SLC38A11: variants seen among roughly 807,000 people sequenced by gnomAD.
The protein encoded by SLC38A11 is putative sodium-coupled neutral amino acid transporter 11.
Under a neutral mutation model 49.4 loss-of-function variants are expected in SLC38A11, and 51 were observed. The observed-to-expected ratio is 1.03, with a 90% CI of 0.83 to 1.30. The LOEUF (loss-of-function observed/expected upper bound fraction) is 1.30. SLC38A11 is among the 50% of genes most tolerant of loss of function. The pLI, the probability that SLC38A11 is intolerant of heterozygous loss-of-function variation, is 0.00. For missense variants in SLC38A11, 574 were observed against 556.2 expected, an observed-to-expected ratio of 1.03 and a Z score of -0.32; for synonymous variants, 203 against 192.9, an observed-to-expected ratio of 1.05 and a Z score of -0.43.
Position 164,947,117 on chromosome 2 carries a change from C to CTTTTTTTTTTTTTTTTTTTTTTTTT in SLC38A11, c.230-1415_230-1391dup, listed in dbSNP as rs200284770. Reference sequence around the variant, plus strand: ...CCTGGATTCTTGGACTTTTTTATCTCTTTTTTTTTTTTTTTTTTTTTTTTT... The same window carrying CTTTTTTTTTTTTTTTTTTTTTTTTT: ...CCTGGATTCTTGGACTTTTTTATCTCTTTTTTTTTTTTTTTTTTTTTTTTTTTTTTTTTTTTTTTTTTTTTTTTTT... On this transcript the variant is annotated intron_variant, in intron 3 of 11. Coordinates refer to ENST00000685975, the MANE Select transcript of SLC38A11 (RefSeq NM_001351537.2). Among the ~76,000 whole-genome samples, 6 of 72,896 alleles carry CTTTTTTTTTTTTTTTTTTTTTTTTT rather than the reference C, an allele frequency of 8.2e-5. 1 individual carries two copies. The highest frequency in any genetic ancestry group is 4.6e-4 in the African/African-American group (6 of 12,970). 47.8% of individuals were successfully genotyped at this position (72,896 alleles called of 152,430 possible). A position where few individuals can be genotyped will look rare whatever the true frequency, so the allele number is the denominator to read the frequency against.
chr2:164,902,080 C>T (rs1318469403), intron 11 of SLC38A11, among the ~76,000 whole-genome samples: 4 of 143,758 alleles, frequency 2.8e-5, no homozygotes, highest in Non-Finnish European at 4.5e-5. Context: ...GTTTCCTAGG[C>T]TAGAGTGCAC....
intron 2 of SLC38A11, 196 bp from the exon 3 acceptor site, chr2:164,952,977 G>A (rs1574026517): frequency 2.0e-6 from 1 of 508,296 alleles, no homozygotes; most frequent in Non-Finnish European, 3.5e-6. Flanking sequence ...AATGTTATTA[G>A]CTTAGGGACA....
chr2:164,949,670 C>A (rs1402025572), intron 3 of SLC38A11, among the ~76,000 whole-genome samples: 1 of 152,118 alleles, frequency 6.6e-6, no homozygotes, highest in Non-Finnish European at 1.5e-5. Flanking sequence ...TTGAATAATG[C>A]CTTGAAGGAA....
chr2:164,921,033 G>T (rs1686164325), intron 7 of SLC38A11, among the ~76,000 whole-genome samples: 1 of 151,646 alleles, frequency 6.6e-6, no homozygotes, highest in South Asian at 2.1e-4. Context: ...AAAAGGAAAA[G>T]TGTACAAGAA....
At chr2:164,904,679 T>G (rs1325989750) in intron 11 of SLC38A11, among the ~76,000 whole-genome samples, 1 of 152,218 alleles carries the variant, frequency 6.6e-6, no homozygotes, top group Non-Finnish European at 1.5e-5. Context: ...AGTTATTAAC[T>G]AAAAATTATT....
chr2:164,914,640 G>C (rs1685641547), intron 9 of SLC38A11, among the ~76,000 whole-genome samples: 2 of 150,340 alleles, frequency 1.3e-5, no homozygotes, highest in Admixed American at 1.3e-4. Context: ...GATTAGAGAG[G>C]GTAAAGAAAA....
In SLC38A11 at chr2:164,898,472, G is replaced by C. The variant is rs750932990; in HGVS notation, c.1354C>G (p.Gln452Glu). Residue 452 changes from glutamine (Q) to glutamate (E), a missense_variant, in exon 12 of 12, where the codon CAA (glutamine) becomes GAA (glutamate). Transcript: ENST00000685975. ...ATACTAATATTTAAAGTAGAAAGTTGTGTTGTCTGCTGAACATGAGACTCT... is the reference window on the plus strand; with the variant it reads ...ATACTAATATTTAAAGTAGAAAGTTCTGTTGTCTGCTGAACATGAGACTCT... ...TSESHVQQTT[Q>E]LSTLNISIFQ 1 of 1,612,856 alleles carries C rather than the reference G, an allele frequency of 6.2e-7. No individual in the cohort carries two copies. The highest frequency in any genetic ancestry group is 1.1e-5 in the South Asian group (1 of 91,042).
chr2:164,898,661 G>T lies in SLC38A11; in HGVS notation c.1165C>A (p.Pro389Thr), dbSNP rs763334785. The T allele has an allele frequency of 6.2e-7, 1 of 1,613,476 alleles. No individual in the cohort carries two copies. The highest frequency in any genetic ancestry group is 1.7e-5 in the Admixed American group (1 of 59,908). Residue 389 changes from proline (P) to threonine (T), a missense_variant, in exon 12 of 12, where the codon CCA becomes ACA. Transcript: ENST00000685975. The part of the protein sequence containing the change: ...SACYLKLSEE[P>T]RTHSDKIMSC... ...ATAATCTTATCGGAGTGTGTCCTTG[G>T]TTCTTCAGACAGTTTCAGATAACAG...
At chr2:164,943,919 C>T (rs1004883538) in intron 5 of SLC38A11, among the ~76,000 whole-genome samples, 3 of 152,114 alleles carry the variant, frequency 2.0e-5, no homozygotes, top group Admixed American at 1.3e-4. Flanking sequence ...GGCAGTGGCA[C>T]GATCACAGCT....
intron 7 of SLC38A11, among the ~76,000 whole-genome samples, chr2:164,918,093 A>AG (rs1553494817): frequency 1.3e-5 from 2 of 151,938 alleles, no homozygotes; most frequent in Admixed American, 6.6e-5. Flanking sequence ...AAAAAAAAAA[A>AG]AGAGAGAGAA....
rs1688787759 is a variant in SLC38A11 at position 164,955,520 on chromosome 2, G to A, written c.-273C>T. The A allele has an allele frequency of 1.9e-6, 1 of 512,884 alleles. No individual in the cohort carries two copies. Among genetic ancestry groups the A allele is most frequent in the Admixed American group, 3.5e-5 (1 of 28,940 alleles). 31.8% of individuals were successfully genotyped at this position (512,884 alleles called of 1,614,324 possible). Reference sequence around the variant, plus strand: ...TCCGGAGACGGAGATGCTGCAGGATGTTTCTGATCCGGGCAGCCCTGTCTC... The same window carrying A: ...TCCGGAGACGGAGATGCTGCAGGATATTTCTGATCCGGGCAGCCCTGTCTC... On this transcript the variant is annotated 5_prime_UTR_variant, in exon 1 of 12. Coordinates refer to ENST00000685975, the MANE Select transcript of SLC38A11 (RefSeq NM_001351537.2).
At chr2:164,955,147 T>C (rs1349557450) in intron 1 of SLC38A11, 62 bp downstream of exon 1, 1 of 1,490,348 alleles carries the variant, frequency 6.7e-7, no homozygotes, top group Non-Finnish European at 9.2e-7. Context: ...ACCTGACCTG[T>C]TGCAAGGTGA....
intron 8 of SLC38A11, 57 bp from the exon 9 acceptor site, chr2:164,915,330 G>C: frequency 1.3e-6 from 2 of 1,487,690 alleles, no homozygotes; most frequent in Non-Finnish European, 1.8e-6. Flanking sequence ...TTCTTTTTTA[G>C]TTCTGAAATT....
At chr2:164,910,958 C>T (rs1291584222) in intron 10 of SLC38A11, among the ~76,000 whole-genome samples, 1 of 151,858 alleles carries the variant, frequency 6.6e-6, no homozygotes, top group African/African-American at 2.4e-5. Flanking sequence ...GAATATATAA[C>T]CCAATTTAGA....
intron 2 of SLC38A11, 127 bp from the exon 3 acceptor site, chr2:164,952,908 G>A: frequency 2.9e-6 from 2 of 688,170 alleles, no homozygotes; most frequent in Non-Finnish European, 2.6e-6. Flanking sequence ...GTATTTGTAA[G>A]TTGCACATAG....
intron 9 of SLC38A11, among the ~76,000 whole-genome samples, chr2:164,913,649 A>G (rs1436997051): frequency 8.2e-6 from 1 of 122,418 alleles, no homozygotes; most frequent in Non-Finnish European, 1.7e-5. Flanking sequence ...AACTCCAGGA[A>G]GATGTAACTA....
At chr2:164,914,972 G>T (rs1024942310) in intron 9 of SLC38A11, 140 bp downstream of exon 9, 1 of 689,506 alleles carries the variant, frequency 1.5e-6, no homozygotes, top group Non-Finnish European at 2.2e-6. Context: ...ACAGCAGGGG[G>T]GCAGGAGGGT....
At chr2:164,935,542 C>T (rs549267840) in intron 7 of SLC38A11, among the ~76,000 whole-genome samples, 7 of 150,444 alleles carry the variant, frequency 4.7e-5, no homozygotes, top group African/African-American at 1.7e-4. Flanking sequence ...AAAAAATTAG[C>T]CGGATGTGGC....
At position 164,934,666 on chromosome 2, in the gene SLC38A11, C is replaced by A. The variant is rs868566043; in HGVS notation, c.617+2684G>T. 8.3e-4 allele frequency among the ~76,000 whole-genome samples: 127 copies of A among 152,264 alleles called. 1 individual carries two copies. Among genetic ancestry groups the A allele is most frequent in the African/African-American group, 2.8e-3 (117 of 41,564 alleles). ...TATTGCCTCATAATACTATATTTAG[C>A]AAACCTATAAGAACTTTTATTACAA... On this transcript the variant is annotated intron_variant, in intron 7 of 11. Transcript: ENST00000685975.
Sources: gnomAD v4.1 joint callset for allele counts (sites outside exome capture counted in the v4.1 genomes callset) on GRCh38, gnomAD v4.1.1 for gene constraint, MANE v1.5 for transcripts, NCBI Gene and HGNC (gene_info 2026-07-23, HGNC 2026-07-21) for gene names.